The following DDX4 variants were observed in gnomAD, a reference collection of about 807,000 sequenced individuals.
DDX4 encodes the protein probable ATP-dependent RNA helicase DDX4.
A neutral mutation model predicts 100.0 loss-of-function variants in DDX4; 25 were observed. The observed-to-expected ratio is 0.25, with a 90% confidence interval of 0.18 to 0.35. The LOEUF is 0.35. Ranked by LOEUF, DDX4 falls within the 10% of genes least tolerant of loss-of-function variation. The probability of loss-of-function intolerance (pLI) is 1.00; values close to 1 mark genes in which losing one functional copy is unlikely to be tolerated. For synonymous variants in DDX4, 259 were observed against 275.7 expected (o/e 0.94, Z 0.60); for missense variants, 635 against 882.4 (o/e 0.72, Z 3.55).
At chr5:55,778,102 T>C (rs1477912877) in intron 7 of DDX4, among the ~76,000 whole-genome samples, 1 of 152,172 alleles carries the variant, frequency 6.6e-6, no homozygotes, top group Non-Finnish European at 1.5e-5. Flanking sequence ...CTTTTAAGGA[T>C]GACCTATGAT....
intron 18 of DDX4, among the ~76,000 whole-genome samples, chr5:55,810,849 G>GAGT (rs1744085769): frequency 6.6e-6 from 1 of 152,154 alleles, no homozygotes; most frequent in African/African-American, 2.4e-5. Flanking sequence ...TATTTGATTA[G>GAGT]TGTAGGATTC....
chr5:55,800,232 G>A (rs1044222967), intron 18 of DDX4, among the ~76,000 whole-genome samples: 1 of 151,914 alleles, frequency 6.6e-6, no homozygotes, highest in East Asian at 1.9e-4. Context: ...CAAATAACTT[G>A]TCCACCATAA....
chr5:55,768,683 C>T (rs903683445), intron 7 of DDX4, among the ~76,000 whole-genome samples: 13 of 152,008 alleles, frequency 8.6e-5, no homozygotes, highest in East Asian at 5.8e-4. Context: ...TTCTGTTTTA[C>T]GTTCTTTGAG....
chr5:55,774,250 C>T lies in DDX4; in HGVS notation c.395-5714C>T, dbSNP rs1741428023. 2.6e-5 allele frequency among the ~76,000 whole-genome samples: 4 copies of T among 151,724 alleles called. 1 individual carries two copies. In the South Asian group the frequency reaches 8.3e-4, roughly 32 times the overall value. The stretch of plus-strand genomic sequence containing the variant: ...CATGACAGCTTCAACTTCCTGGTCT[C>T]AAGCAGTCCTCCCACCTCAGCCTCC... On this transcript the variant is annotated intron_variant, in intron 7 of 21. Transcript: ENST00000505374.
intron 4 of DDX4, among the ~76,000 whole-genome samples, chr5:55,762,387 CAGA>C (rs1740619220): frequency 6.6e-6 from 1 of 151,940 alleles, no homozygotes; most frequent in Admixed American, 6.6e-5. Context: ...TAAAAAGGTA[CAGA>C]TAGTATGCTG....
At chr5:55,813,188 A>T (rs1232325984) in intron 18 of DDX4, among the ~76,000 whole-genome samples, 1 of 152,132 alleles carries the variant, frequency 6.6e-6, no homozygotes, top group Non-Finnish European at 1.5e-5. Flanking sequence ...AGGGATTTGA[A>T]TTAGAGATAA....
chr5:55,762,761 A>G lies in DDX4; in HGVS notation c.206-414A>G, dbSNP rs181697781. Reference sequence around the variant, plus strand: ...ATTTTAAAAATGGAAAGGATATGATAAATATAAGAAATAGAAAAATAAAAA... The same window carrying G: ...ATTTTAAAAATGGAAAGGATATGATGAATATAAGAAATAGAAAAATAAAAA... On this transcript the variant is annotated intron_variant, in intron 4 of 21. Transcript: ENST00000505374. Among the ~76,000 whole-genome samples, 9 of 152,240 alleles carry G rather than the reference A, an allele frequency of 5.9e-5. No individual in the cohort carries two copies. In the East Asian group the frequency reaches 1.2e-3, roughly 20 times the overall value.
At position 55,805,042 on chromosome 5, in the gene DDX4, C is replaced by A. The variant is rs577399167; in HGVS notation, c.1615+6471C>A. Among the ~76,000 whole-genome samples the A allele has an allele frequency of 1.4e-3, 213 of 152,012 alleles. 1 individual carries two copies. The highest frequency in any genetic ancestry group is 4.9e-3 in the African/African-American group (203 of 41,408). ...TCTCCTTGAAGAGGTCCTTCACATC[C>A]CTTGTAAGATGGATTCCTAGGTATT... On this transcript the variant is annotated intron_variant, in intron 18 of 21. Transcript: ENST00000505374.
At chr5:55,760,406 A>G in intron 4 of DDX4, 129 bp downstream of exon 4, 1 of 898,962 alleles carries the variant, frequency 1.1e-6, no homozygotes, top group Non-Finnish European at 1.6e-6. Context: ...GTGTTGAGAT[A>G]ATGAGTTCAT....
chr5:55,803,792 T>C lies in DDX4; in HGVS notation c.1615+5221T>C, dbSNP rs914231383. On this transcript the variant is annotated intron_variant, in intron 18 of 21. Transcript: ENST00000505374. Reference sequence around the variant, plus strand: ...AATAGTGCCTCAATAAACATACGTGTGCATGTGTCTTTATAGCAGCATGAT... The same window carrying C: ...AATAGTGCCTCAATAAACATACGTGCGCATGTGTCTTTATAGCAGCATGAT... Among the ~76,000 whole-genome samples the C allele has an allele frequency of 3.3e-5, 5 of 152,194 alleles. No homozygotes were observed. The East Asian group carries it at 7.7e-4, about 24-fold the overall frequency.
intron 16 of DDX4, among the ~76,000 whole-genome samples, chr5:55,792,012 T>C (rs895251334): frequency 2.0e-5 from 3 of 150,870 alleles, no homozygotes; most frequent in Non-Finnish European, 2.9e-5. Flanking sequence ...TAGCCCCAGC[T>C]ACTTGGGAGG....
At position 55,763,196 on chromosome 5, in the gene DDX4, G is replaced by A. The variant is rs773321759; in HGVS notation, c.227G>A (p.Arg76Gln). The A allele has an allele frequency of 9.0e-5, 145 of 1,611,920 alleles. No individual in the cohort carries two copies. The highest frequency in any genetic ancestry group is 1.2e-4 in the Non-Finnish European group (138 of 1,178,456). ...TCAGATGCTGGTGAGTGTAATAAGCGAGATAATACATCCACAATGGGTGGT... is the reference window on the plus strand; with the variant it reads ...TCAGATGCTGGTGAGTGTAATAAGCAAGATAATACATCCACAATGGGTGGT... ...GNRDAGECNK[R>Q]DNTSTMGGFG... Residue 76 changes from arginine to glutamine, a missense_variant, in exon 5 of 22, where the codon CGA becomes CAA. Coordinates refer to ENST00000505374, the MANE Select transcript of DDX4 (RefSeq NM_024415.3).
intron 3 of DDX4, among the ~76,000 whole-genome samples, chr5:55,754,602 A>G (rs1470152036): frequency 1.3e-5 from 2 of 151,382 alleles, no homozygotes; most frequent in East Asian, 3.9e-4. Context: ...TTTTTGCATC[A>G]ATGTTCATCA....
At chr5:55,783,387 A>G (rs1389676948) in intron 10 of DDX4, among the ~76,000 whole-genome samples, 1 of 152,094 alleles carries the variant, frequency 6.6e-6, no homozygotes, top group South Asian at 2.1e-4. Flanking sequence ...GAGTTCACAT[A>G]TAAAAAATGT....
chr5:55,809,447 C>T (rs1160308894), intron 18 of DDX4, among the ~76,000 whole-genome samples: 1 of 152,262 alleles, frequency 6.6e-6, no homozygotes, highest in East Asian at 1.9e-4. Context: ...CCTATTTGGC[C>T]ATCTTGGCTC....
intron 1 of DDX4, chr5:55,738,489 T>TGGTCCCCCTA (rs1758813016): frequency 1.3e-5 from 2 of 149,310 alleles, no homozygotes; most frequent in Admixed American, 7.3e-5. Context: ...CCCAGTCGAC[T>TGGTCCCCCTA]CCCGTACCCC....
chr5:55,814,170 C>G (rs901780161), intron 19 of DDX4, among the ~76,000 whole-genome samples: 1 of 152,090 alleles, frequency 6.6e-6, no homozygotes, highest in Admixed American at 6.5e-5. Flanking sequence ...GTTTTATGGG[C>G]ACTTCATTAG....
intron 21 of DDX4, 67 bp from the exon 22 acceptor site, chr5:55,816,396 A>C: frequency 2.7e-5 from 41 of 1,521,760 alleles, no homozygotes; most frequent in Non-Finnish European, 3.3e-5. Context: ...GAGTGATGTA[A>C]CTTTAAAGCT....
At position 55,792,692 on chromosome 5, in the gene DDX4, T is replaced by C. The variant is rs761046448; in HGVS notation, c.1354T>C (p.Leu452=). 6.3e-7 allele frequency: 1 copy of C among 1,598,932 alleles called. No individual in the cohort carries two copies. The highest frequency in any genetic ancestry group is 1.1e-5 in the South Asian group (1 of 89,052). Residue 452 remains leucine (L), a synonymous_variant, in exon 17 of 22, where the codon TTG becomes CTG. Transcript: ENST00000505374. ...AGTTTTGGATGAAGCTGATCGCATGTTGGATATGGGTTTTGGTCCAGAAAT... is the reference window on the plus strand; with the variant it reads ...AGTTTTGGATGAAGCTGATCGCATGCTGGATATGGGTTTTGGTCCAGAAAT... The part of the protein sequence containing the change: ...YLVLDEADRM[L]DMGFGPEMKK...
Sources: gnomAD v4.1 joint callset for allele counts (sites outside exome capture counted in the v4.1 genomes callset) on GRCh38, gnomAD v4.1.1 for gene constraint, MANE v1.5 for transcripts, NCBI Gene and HGNC (gene_info 2026-07-23, HGNC 2026-07-21) for gene names.